The following CHSY1 variants were observed in gnomAD, a reference collection of about 807,000 sequenced individuals.
CHSY1 encodes the protein N-acetylgalactosaminyl-proteoglycan 3-beta-glucuronosyltransferase 1.
A neutral mutation model predicts 59.8 loss-of-function variants in CHSY1; 13 were observed. The ratio of observed to expected loss-of-function variants is 0.22; its 90% CI spans 0.14 to 0.35. CHSY1 has a LOEUF of 0.35. Ranked by LOEUF, CHSY1 falls within the 10% of genes least tolerant of loss-of-function variation. The probability of loss-of-function intolerance (pLI) is 1.00; values close to 1 mark genes in which losing one functional copy is unlikely to be tolerated. For synonymous variants in CHSY1, 459 were observed against 401.2 expected (o/e 1.14, Z -1.72); for missense variants, 947 against 1,030.6 (o/e 0.92, Z 1.11).
intron 2 of CHSY1, among the ~76,000 whole-genome samples, chr15:101,206,107 G>A (rs35059326): frequency 0.086 from 13,044 of 152,130 alleles, 678 homozygotes; most frequent in East Asian, 0.21. Context: ...GCTTCATAAC[G>A]TTTGCAATAC....
At position 101,195,487 on chromosome 15, in the gene CHSY1, CAT is replaced by C. The variant is rs1218499744; in HGVS notation, c.817-16509_817-16508del. On this transcript the variant is annotated intron_variant, in intron 2 of 2. Coordinates refer to ENST00000254190, the MANE Select transcript of CHSY1 (RefSeq NM_014918.5). ...AAAGGCTAATGGTAAAGGTATAAGT[CAT>C]GTGTCAACCGAAAGCTACAAACTTT... 7.9e-5 allele frequency among the ~76,000 whole-genome samples: 12 copies of C among 152,348 alleles called. No individual in the cohort carries two copies. The East Asian group carries it at 2.3e-3, about 29-fold the overall frequency.
chr15:101,187,246 A>C (rs2038382216), intron 2 of CHSY1, among the ~76,000 whole-genome samples: 1 of 152,232 alleles, frequency 6.6e-6, no homozygotes, highest in Non-Finnish European at 1.5e-5. Context: ...TGGGAGGCCG[A>C]GGCAGGCAGA....
chr15:101,250,160 A>G (rs2039092138), intron 1 of CHSY1, among the ~76,000 whole-genome samples: 1 of 152,190 alleles, frequency 6.6e-6, no homozygotes, highest in Non-Finnish European at 1.5e-5. Context: ...GCTGCTCTGA[A>G]ATTTCATTAC....
chr15:101,240,001 A>C (rs530896218), intron 1 of CHSY1, among the ~76,000 whole-genome samples: 2 of 152,338 alleles, frequency 1.3e-5, no homozygotes, highest in East Asian at 3.9e-4. Flanking sequence ...AGAGAAACCA[A>C]TTAATTTTAA....
chr15:101,223,948 T>C (rs2038814487), intron 2 of CHSY1, among the ~76,000 whole-genome samples: 2 of 152,380 alleles, frequency 1.3e-5, no homozygotes, highest in Admixed American at 6.5e-5. Context: ...TAGACTGTGG[T>C]CCCGTAAGAT....
chr15:101,203,263 T>C (rs1257935608), intron 2 of CHSY1, among the ~76,000 whole-genome samples: 1 of 152,200 alleles, frequency 6.6e-6, no homozygotes, highest in Non-Finnish European at 1.5e-5. Context: ...CTGACAGGCA[T>C]GGACCTTCTC....
At chr15:101,223,927 A>AACTG (rs1477198980) in intron 2 of CHSY1, among the ~76,000 whole-genome samples, 1 of 152,262 alleles carries the variant, frequency 6.6e-6, no homozygotes, top group African/African-American at 2.4e-5. Flanking sequence ...CTCAGTCAAC[A>AACTG]ACTGACCCCT....
intron 2 of CHSY1, among the ~76,000 whole-genome samples, chr15:101,183,823 G>A (rs1431410524): frequency 6.6e-6 from 1 of 152,206 alleles, no homozygotes; most frequent in African/African-American, 2.4e-5. Flanking sequence ...AGCAAGTATG[G>A]AGAAATTGTT....
intron 2 of CHSY1, among the ~76,000 whole-genome samples, chr15:101,196,850 C>A (rs915957643): frequency 4.6e-5 from 7 of 152,142 alleles, no homozygotes; most frequent in African/African-American, 1.7e-4. Context: ...ATAGCAAGAC[C>A]TCATTTGTAT....
intron 2 of CHSY1, among the ~76,000 whole-genome samples, chr15:101,205,685 C>T (rs1227150461): frequency 2.0e-5 from 3 of 152,168 alleles, no homozygotes; most frequent in African/African-American, 7.2e-5. Flanking sequence ...GGCGTGGTGG[C>T]TCACACCTGT....
rs371244530 is a variant in CHSY1 at position 101,178,188 on chromosome 15, G to C, written c.1609C>G (p.Leu537Val). ...KEPKDKKINI[L>V]IPLSGRFDMF... is the part of the protein sequence containing the mutation. ...TCGAAACGCCCAGACAAAGGAATCA[G>C]TATGTTTATCTTTTTATCTTTGGGT... Residue 537 changes from leucine (L) to valine (V), a missense_variant, in exon 3 of 3, where the codon CTG becomes GTG. This residue lies in a region of CHSY1 where 602 missense variants were observed against 676.9 expected (regional missense o/e 0.89). Transcript: ENST00000254190. 1.2e-6 allele frequency: 2 copies of C among 1,614,206 alleles called. No homozygotes were observed. The highest frequency in any genetic ancestry group is 1.7e-6 in the Non-Finnish European group (2 of 1,180,042).
intron 2 of CHSY1, among the ~76,000 whole-genome samples, chr15:101,229,239 T>C (rs1419637225): frequency 6.6e-6 from 1 of 152,216 alleles, no homozygotes; most frequent in Non-Finnish European, 1.5e-5. Context: ...AAATGCAAAT[T>C]AATTAAATAC....
intron 2 of CHSY1, among the ~76,000 whole-genome samples, chr15:101,205,868 C>A (rs1039037642): frequency 6.6e-6 from 1 of 151,862 alleles, no homozygotes; most frequent in Non-Finnish European, 1.5e-5. Flanking sequence ...AGGAGAATGG[C>A]GTGAACCCAG....
intron 2 of CHSY1, among the ~76,000 whole-genome samples, chr15:101,207,638 TAAAC>T (rs1453723164): frequency 2.0e-5 from 3 of 152,096 alleles, no homozygotes; most frequent in Non-Finnish European, 4.4e-5. Flanking sequence ...TTGGCACAAA[TAAAC>T]ACTCAAAGAA....
chr15:101,190,839 A>G (rs982476663), intron 2 of CHSY1, among the ~76,000 whole-genome samples: 7 of 152,222 alleles, frequency 4.6e-5, no homozygotes, highest in Non-Finnish European at 8.8e-5. Flanking sequence ...TGTGAAAGTC[A>G]TCATATGTCA....
intron 1 of CHSY1, among the ~76,000 whole-genome samples, chr15:101,245,291 C>T (rs963061748): frequency 2.6e-5 from 4 of 152,186 alleles, no homozygotes; most frequent in Admixed American, 2.0e-4. Flanking sequence ...TAACTCCTGC[C>T]ATTTCATGTT....
At chr15:101,226,636 C>A (rs899942816) in intron 2 of CHSY1, among the ~76,000 whole-genome samples, 1 of 152,212 alleles carries the variant, frequency 6.6e-6, no homozygotes, top group African/African-American at 2.4e-5. Flanking sequence ...AAACTTACCA[C>A]ACATACTCCT....
At chr15:101,192,556 G>A (rs1368058029) in intron 2 of CHSY1, among the ~76,000 whole-genome samples, 1 of 152,140 alleles carries the variant, frequency 6.6e-6, no homozygotes, top group East Asian at 1.9e-4. Flanking sequence ...GCTAAGACAA[G>A]GGGACTTTCA....
intron 2 of CHSY1, among the ~76,000 whole-genome samples, chr15:101,231,938 G>C (rs2038896820): frequency 6.6e-6 from 1 of 152,212 alleles, no homozygotes; most frequent in Non-Finnish European, 1.5e-5. Context: ...GCTCCTCCCA[G>C]CTCTTCCCCA....
Sources: allele counts gnomAD v4.1 joint callset (sites outside exome capture counted in the v4.1 genomes callset), GRCh38; gene constraint gnomAD v4.1.1; regional missense constraint gnomAD v4.1.1; transcripts MANE v1.5; gene names NCBI Gene and HGNC (gene_info 2026-07-23, HGNC 2026-07-21).